The following CCDC85A variants were observed in gnomAD, a reference collection of about 807,000 sequenced individuals.
CCDC85A encodes coiled-coil domain-containing protein 85A.
In CCDC85A, 38 loss-of-function variants were observed where a neutral mutation model predicts 50.2. That is an observed-to-expected ratio of 0.76 (90% CI 0.58 to 0.99). The LOEUF is 0.99. CCDC85A is among the 50% of genes least tolerant of loss of function. CCDC85A has a pLI of 0.00. For synonymous variants in CCDC85A, 366 were observed against 301.4 expected (o/e 1.21, Z -2.22); for missense variants, 820 against 742.0 (o/e 1.11, Z -1.22).
chr2:56,234,504 A>G (rs999576171), intron 2 of CCDC85A, among the ~76,000 whole-genome samples: 2 of 152,090 alleles, frequency 1.3e-5, no homozygotes, highest in African/African-American at 4.8e-5. Flanking sequence ...CTTTATGATT[A>G]AAAAAAATTA....
intron 2 of CCDC85A, among the ~76,000 whole-genome samples, chr2:56,212,392 A>T (rs1391853460): frequency 6.6e-6 from 1 of 151,146 alleles, no homozygotes; most frequent in Non-Finnish European, 1.5e-5. Flanking sequence ...CAACTGATTG[A>T]AGCCCATGAA....
chr2:56,357,510 A>G (rs938974354), intron 3 of CCDC85A, among the ~76,000 whole-genome samples: 1 of 152,126 alleles, frequency 6.6e-6, no homozygotes, highest in Non-Finnish European at 1.5e-5. Context: ...TTATTAAACT[A>G]TGCTTTTTAT....
At chr2:56,337,733 C>G (rs1465222100) in intron 2 of CCDC85A, among the ~76,000 whole-genome samples, 2 of 151,924 alleles carry the variant, frequency 1.3e-5, no homozygotes, top group Non-Finnish European at 2.9e-5. Flanking sequence ...ATTGTTTTTT[C>G]CCTTTTATTT....
intron 2 of CCDC85A, among the ~76,000 whole-genome samples, chr2:56,239,349 A>G (rs1669155988): frequency 6.6e-6 from 1 of 152,028 alleles, no homozygotes; most frequent in Non-Finnish European, 1.5e-5. Context: ...GATGGCATAA[A>G]GTGGTATGCT....
intron 3 of CCDC85A, among the ~76,000 whole-genome samples, chr2:56,347,746 C>T (rs1674699855): frequency 6.6e-6 from 1 of 152,172 alleles, no homozygotes; most frequent in Non-Finnish European, 1.5e-5. Context: ...CTGATAGTTA[C>T]AGTCATGGTT....
intron 5 of CCDC85A, chr2:56,379,711 T>A: frequency 1.3e-6 from 1 of 741,720 alleles, no homozygotes; most frequent in Non-Finnish European, 1.6e-6. Context: ...ACAAGCTTTT[T>A]TCCATGTGAA....
rs140697185 is a variant in CCDC85A at position 56,322,218 on chromosome 2, A to C, written c.1241-20661A>C. 3.8e-3 allele frequency among the ~76,000 whole-genome samples: 577 copies of C among 152,342 alleles called. 5 individuals carry two copies. The highest frequency in any genetic ancestry group is 0.021 in the Middle Eastern group (6 of 292). On this transcript the variant is annotated intron_variant, in intron 2 of 5. Transcript: ENST00000407595. Reference sequence around the variant, plus strand: ...GAAGAAAACCTAGGCAAAACCATTCAGGCCATAGGCATGGGCAAGGGCTTC... The same window carrying C: ...GAAGAAAACCTAGGCAAAACCATTCCGGCCATAGGCATGGGCAAGGGCTTC...
intron 2 of CCDC85A, among the ~76,000 whole-genome samples, chr2:56,293,522 A>G (rs771952393): frequency 5.3e-5 from 8 of 152,342 alleles, no homozygotes; most frequent in Non-Finnish European, 1.0e-4. Context: ...GAAAGAAACT[A>G]TCATCAGAGT....
chr2:56,248,747 C>T (rs1669621278), intron 2 of CCDC85A, among the ~76,000 whole-genome samples: 1 of 152,142 alleles, frequency 6.6e-6, no homozygotes, highest in Admixed American at 6.5e-5. Context: ...AGCTGAGTGC[C>T]ACCTACATGA....
At chr2:56,221,857 T>C (rs560241652) in intron 2 of CCDC85A, among the ~76,000 whole-genome samples, 1 of 152,204 alleles carries the variant, frequency 6.6e-6, no homozygotes. Flanking sequence ...ACAACAAAAA[T>C]TTATTTCTTA....
intron 2 of CCDC85A, among the ~76,000 whole-genome samples, chr2:56,286,947 T>C (rs1052653303): frequency 2.0e-5 from 3 of 152,340 alleles, no homozygotes; most frequent in African/African-American, 7.2e-5. Context: ...TTTTAGGTTT[T>C]ATCCTTATAC....
intron 2 of CCDC85A, among the ~76,000 whole-genome samples, chr2:56,251,881 T>C (rs931030177): frequency 1.3e-5 from 2 of 152,038 alleles, no homozygotes; most frequent in Non-Finnish European, 2.9e-5. Context: ...GCTGATTTCT[T>C]TTTTTTCCTT....
intron 3 of CCDC85A, among the ~76,000 whole-genome samples, chr2:56,366,353 A>T (rs1675793970): frequency 6.6e-6 from 1 of 152,178 alleles, no homozygotes; most frequent in Non-Finnish European, 1.5e-5. Flanking sequence ...TAATAGCTAT[A>T]CTTATTTGCA....
At chr2:56,257,289 A>G (rs375112499) in intron 2 of CCDC85A, among the ~76,000 whole-genome samples, 38 of 152,306 alleles carry the variant, frequency 2.5e-4, no homozygotes, top group East Asian at 5.8e-4. Flanking sequence ...GGCTGTCACA[A>G]TGGGGCCCAA....
intron 2 of CCDC85A, among the ~76,000 whole-genome samples, chr2:56,313,597 T>G (rs1335349646): frequency 6.6e-6 from 1 of 152,182 alleles, no homozygotes; most frequent in African/African-American, 2.4e-5. Flanking sequence ...CCCTGTATAC[T>G]CAGTTTTGCC....
At chr2:56,187,717 G>A (rs905227362) in intron 1 of CCDC85A, among the ~76,000 whole-genome samples, 1 of 152,158 alleles carries the variant, frequency 6.6e-6, no homozygotes, top group Non-Finnish European at 1.5e-5. Flanking sequence ...TTTTCTTTTG[G>A]CTAGTTGACA....
intron 2 of CCDC85A, among the ~76,000 whole-genome samples, chr2:56,336,061 AATTCTT>A (rs1341020637): frequency 1.3e-5 from 2 of 152,180 alleles, no homozygotes; most frequent in African/African-American, 4.8e-5. Context: ...CACAGAGACT[AATTCTT>A]AGAGAGCCAC....
At chr2:56,342,620 T>C (rs548189043) in intron 2 of CCDC85A, among the ~76,000 whole-genome samples, 1 of 152,338 alleles carries the variant, frequency 6.6e-6, no homozygotes, top group Non-Finnish European at 1.5e-5. Flanking sequence ...ATACTAATCG[T>C]CAATTGTGTG....
chr2:56,372,364 A>C lies in CCDC85A; in HGVS notation c.1338A>C (p.Gln446His). The C allele has an allele frequency of 6.3e-7, 1 of 1,585,472 alleles. No homozygotes were observed. Among genetic ancestry groups the C allele is most frequent in the East Asian group, 2.3e-5 (1 of 43,576 alleles). Residue 446 changes from glutamine (Q) to histidine (H), a missense_variant, in exon 4 of 6, where the codon CAA becomes CAC. Physicochemically the swap from Gln to His is conservative, Grantham distance 24 (BLOSUM62 0). Coordinates refer to ENST00000407595, the MANE Select transcript of CCDC85A (RefSeq NM_001080433.2). ...MLPQASQNRR[Q>H]PPTRNSSNME... ...ATAAGGCCAGCCAGAATAGAAGGCAACCTCCAACTAGAAACAGCTCAAATA... is the reference window on the plus strand; with the variant it reads ...ATAAGGCCAGCCAGAATAGAAGGCACCCTCCAACTAGAAACAGCTCAAATA...
Sources: allele counts gnomAD v4.1 joint callset (sites outside exome capture counted in the v4.1 genomes callset), GRCh38; gene constraint gnomAD v4.1.1; transcripts MANE v1.5; gene names NCBI Gene and HGNC (gene_info 2026-07-23, HGNC 2026-07-21).